ATOSA: variants seen among roughly 807,000 people sequenced by gnomAD.
The protein encoded by ATOSA is atos homolog A.
At chr15:52,606,796 A>C in the ATOSA span, among the ~76,000 whole-genome samples, 6 of 152,208 alleles carry the variant, frequency 3.9e-5, no homozygotes, top group Admixed American at 3.3e-4. Flanking sequence ...TATAAACTGG[A>C]AACATGGCAA....
At chr15:52,634,843 C>T in the ATOSA span, among the ~76,000 whole-genome samples, 2 of 152,014 alleles carry the variant, frequency 1.3e-5, no homozygotes, top group Non-Finnish European at 2.9e-5. Context: ...ATCAGGTGAT[C>T]CGCTCATCTT....
chr15:52,659,894 A>G, the ATOSA span, among the ~76,000 whole-genome samples: 2 of 152,194 alleles, frequency 1.3e-5, no homozygotes, highest in Non-Finnish European at 2.9e-5. Context: ...CATGATCCAA[A>G]CAGTGGTAAC....
At chr15:52,664,950 TGG>T in the ATOSA span, among the ~76,000 whole-genome samples, 5 of 142,698 alleles carry the variant, frequency 3.5e-5, no homozygotes, top group Non-Finnish European at 7.5e-5. Flanking sequence ...GTGTTGGGGG[TGG>T]GGGGGTGCAG....
At chr15:52,645,031 ACTGT>A in the ATOSA span, among the ~76,000 whole-genome samples, 1 of 152,246 alleles carries the variant, frequency 6.6e-6, no homozygotes, top group Non-Finnish European at 1.5e-5. Context: ...TGTGTTAAAA[ACTGT>A]CTGAGATTCA....
At chr15:52,593,666 C>T in the ATOSA span, 1 of 1,559,742 alleles carries the variant, frequency 6.4e-7, no homozygotes, top group Non-Finnish European at 8.7e-7. Flanking sequence ...GAAAGCACCA[C>T]TTGCCCCTAC....
chr15:52,640,255 CT>C, the ATOSA span, among the ~76,000 whole-genome samples: 2 of 151,866 alleles, frequency 1.3e-5, no homozygotes, highest in Admixed American at 1.3e-4. Flanking sequence ...ACATATTACT[CT>C]TTTATCTTTT....
chr15:52,662,718 T>A, the ATOSA span, among the ~76,000 whole-genome samples: 4 of 142,606 alleles, frequency 2.8e-5, no homozygotes, highest in African/African-American at 1.1e-4. Context: ...TGCAGTGAGC[T>A]GAGATCGAGC....
the ATOSA span, chr15:52,608,504 T>G: frequency 2.0e-6 from 3 of 1,491,414 alleles, no homozygotes; most frequent in East Asian, 6.9e-5. Context: ...AGATCTCCTG[T>G]GAACAAAATT....
chr15:52,587,076 T>G, the ATOSA span: 1 of 1,598,480 alleles, frequency 6.3e-7, no homozygotes, highest in African/African-American at 1.3e-5. Context: ...GCAGCAGCAG[T>G]AGCAGGAGAA....
the ATOSA span, chr15:52,608,619 A>G: frequency 6.2e-7 from 1 of 1,607,038 alleles, no homozygotes; most frequent in African/African-American, 1.3e-5. Flanking sequence ...AGTCTTTTAT[A>G]CTTCTTCTCT....
chr15:52,610,128 GT>G, the ATOSA span: 1 of 1,614,028 alleles, frequency 6.2e-7, no homozygotes, highest in Non-Finnish European at 8.5e-7. Context: ...GCTGTGAACT[GT>G]TTGTACCACA....
chr15:52,607,907 G>T, the ATOSA span, among the ~76,000 whole-genome samples: 1 of 151,992 alleles, frequency 6.6e-6, no homozygotes, highest in Admixed American at 6.6e-5. Flanking sequence ...TTGAAACAGG[G>T]TCTCACTCTG....
the ATOSA span, chr15:52,658,910 A>G: frequency 2.5e-6 from 1 of 396,096 alleles, no homozygotes. Context: ...GCTTGAGCCT[A>G]GGAACTGGAG....
chr15:52,596,205 T>A, the ATOSA span, among the ~76,000 whole-genome samples: 4 of 152,202 alleles, frequency 2.6e-5, no homozygotes, highest in Admixed American at 2.6e-4. Context: ...ATAAATGAAT[T>A]TCAGGGATTG....
the ATOSA span, chr15:52,586,877 G>T: frequency 3.1e-6 from 1 of 323,174 alleles, no homozygotes; most frequent in Non-Finnish European, 5.2e-6. Context: ...GTAATATTAG[G>T]TTCTAAATAT....
At chr15:52,641,137 C>T in the ATOSA span, among the ~76,000 whole-genome samples, 3 of 152,208 alleles carry the variant, frequency 2.0e-5, no homozygotes, top group Non-Finnish European at 1.5e-5. Flanking sequence ...GCATTCGTAA[C>T]TTATGCTTAC....
the ATOSA span, among the ~76,000 whole-genome samples, chr15:52,668,516 A>G: frequency 6.6e-6 from 1 of 152,188 alleles, no homozygotes; most frequent in Non-Finnish European, 1.5e-5. Context: ...GGATAACCCT[A>G]AAGTATTATA....
the ATOSA span, among the ~76,000 whole-genome samples, chr15:52,633,428 A>C: frequency 9.8e-5 from 15 of 152,370 alleles, no homozygotes; most frequent in African/African-American, 3.6e-4. Context: ...AGGTGAGCCC[A>C]ACAACTGCCC....
At chr15:52,630,752 T>C in the ATOSA span, among the ~76,000 whole-genome samples, 36 of 152,316 alleles carry the variant, frequency 2.4e-4, no homozygotes, top group East Asian at 5.2e-3. Flanking sequence ...AAGCACTGTC[T>C]ATAACAACAA....
Sources: gnomAD v4.1 joint callset for allele counts (sites outside exome capture counted in the v4.1 genomes callset) on GRCh38, gnomAD v4.1.1 for gene constraint, MANE v1.5 for transcripts, NCBI Gene and HGNC (gene_info 2026-07-23, HGNC 2026-07-21) for gene names.